CDH12: variants seen among roughly 807,000 people sequenced by gnomAD.
The protein encoded by CDH12 is cadherin 12, also known as cadherin-12.
A neutral mutation model predicts 74.1 loss-of-function variants in CDH12; 41 were observed. The observed-to-expected ratio is 0.55, with a 90% CI of 0.43 to 0.72. The LOEUF is 0.72. CDH12 is among the 30% of genes least tolerant of loss of function. The pLI is 0.00. For synonymous variants in CDH12, 399 were observed against 355.0 expected (o/e 1.12, Z -1.39); for missense variants, 945 against 977.2 (o/e 0.97, Z 0.44).
chr5:21,772,534 A>G (rs1479837209), intron 11 of CDH12, among the ~76,000 whole-genome samples: 2 of 152,166 alleles, frequency 1.3e-5, no homozygotes, highest in African/African-American at 4.8e-5. Flanking sequence ...TTGGCCTTCC[A>G]AAGTGCTGGG....
At chr5:22,009,231 C>T (rs576116675) in intron 5 of CDH12, among the ~76,000 whole-genome samples, 24 of 152,258 alleles carry the variant, frequency 1.6e-4, no homozygotes, top group East Asian at 3.9e-4. Context: ...AATGAATAAG[C>T]GAAACAGAAT....
At chr5:22,148,870 C>T (rs1004048444) in intron 4 of CDH12, among the ~76,000 whole-genome samples, 2 of 152,180 alleles carry the variant, frequency 1.3e-5, no homozygotes, top group African/African-American at 4.8e-5. Flanking sequence ...CCTGTAATCC[C>T]AGCACTTTGG....
intron 1 of CDH12, among the ~76,000 whole-genome samples, chr5:22,683,931 ACT>A (rs1330984157): frequency 6.6e-6 from 1 of 152,134 alleles, no homozygotes; most frequent in Non-Finnish European, 1.5e-5. Flanking sequence ...TAGAATCAAG[ACT>A]CTCTAGTCAC....
chr5:22,237,548 T>C (rs1752600594), intron 3 of CDH12, among the ~76,000 whole-genome samples: 1 of 152,098 alleles, frequency 6.6e-6, no homozygotes, highest in Admixed American at 6.6e-5. Flanking sequence ...GAGAGTGCCA[T>C]CTATGAGAAA....
intron 1 of CDH12, among the ~76,000 whole-genome samples, chr5:22,607,115 G>A (rs1163029831): frequency 2.0e-5 from 3 of 152,130 alleles, no homozygotes; most frequent in Non-Finnish European, 2.9e-5. Flanking sequence ...GCTTTCAAGA[G>A]GAAGAAGAGC....
intron 4 of CDH12, chr5:22,142,301 T>C: frequency 6.9e-6 from 2 of 291,006 alleles, no homozygotes; most frequent in East Asian, 9.6e-5. Context: ...AGAAAGCCTA[T>C]ATGAAGTAGA....
At position 22,662,493 on chromosome 5, in the gene CDH12, T is replaced by C. The variant is rs182391039; in HGVS notation, c.-522-157129A>G. Among the ~76,000 whole-genome samples, 180 of 152,178 alleles carry C rather than the reference T, an allele frequency of 1.2e-3. 1 individual carries two copies. Among genetic ancestry groups the C allele is most frequent in the African/African-American group, 4.2e-3 (173 of 41,552 alleles). Reference sequence around the variant, plus strand: ...AAGATGGACATTAACACATATGCAATGAGTCCCATCAAAAGAAACAGCAAC... The same window carrying C: ...AAGATGGACATTAACACATATGCAACGAGTCCCATCAAAAGAAACAGCAAC... On this transcript the variant is annotated intron_variant, in intron 1 of 14. Transcript: ENST00000382254.
intron 3 of CDH12, among the ~76,000 whole-genome samples, chr5:22,266,336 G>C (rs1736113027): frequency 6.6e-6 from 1 of 151,970 alleles, no homozygotes; most frequent in African/African-American, 2.4e-5. Context: ...GCCTCCCAAA[G>C]TACTGGGATT....
chr5:21,906,236 T>C (rs1753636999), intron 6 of CDH12, among the ~76,000 whole-genome samples: 1 of 152,170 alleles, frequency 6.6e-6, no homozygotes, highest in African/African-American at 2.4e-5. Context: ...AGCAGACAGG[T>C]CAGGGGTTTT....
At chr5:22,326,116 C>G (rs1412163016) in intron 3 of CDH12, among the ~76,000 whole-genome samples, 1 of 152,168 alleles carries the variant, frequency 6.6e-6, no homozygotes, top group African/African-American at 2.4e-5. Context: ...TTAAGAATAG[C>G]TTTTCCCCCG....
At chr5:21,902,044 T>C (rs1050145943) in intron 6 of CDH12, among the ~76,000 whole-genome samples, 5 of 152,168 alleles carry the variant, frequency 3.3e-5, no homozygotes, top group African/African-American at 4.8e-5. Flanking sequence ...AGTGAACAGA[T>C]GAAGATATCA....
At chr5:22,047,913 G>T (rs901084328) in intron 5 of CDH12, among the ~76,000 whole-genome samples, 1 of 152,144 alleles carries the variant, frequency 6.6e-6, no homozygotes, top group Admixed American at 6.6e-5. Context: ...GTGAGGTAAA[G>T]GTTGTTGTAG....
chr5:22,724,470 G>A (rs1368298136), intron 1 of CDH12, among the ~76,000 whole-genome samples: 3 of 151,830 alleles, frequency 2.0e-5, no homozygotes, highest in African/African-American at 7.3e-5. Flanking sequence ...ACTAATAAGT[G>A]AGACCATATG....
rs996272857 is a variant in CDH12, at chr5:22,206,937, G to T, written c.-187+5561C>A. Among the ~76,000 whole-genome samples the T allele has an allele frequency of 6.0e-5, 9 of 150,814 alleles. No homozygotes were observed. The East Asian group carries it at 1.7e-3, about 29-fold the overall frequency. ...ATTTAAAAATATTCTACCACGGTCC[G>T]GCGTATTGGCTCACACCTGTAATCC... On this transcript the variant is annotated intron_variant, in intron 4 of 14. Transcript: ENST00000382254.
chr5:22,512,045 T>C (rs1269127297), intron 1 of CDH12, among the ~76,000 whole-genome samples: 1 of 152,004 alleles, frequency 6.6e-6, no homozygotes, highest in Non-Finnish European at 1.5e-5. Context: ...CTTTATTATA[T>C]CATAGTTACA....
chr5:22,441,572 A>G (rs970249333), intron 2 of CDH12, among the ~76,000 whole-genome samples: 5 of 152,130 alleles, frequency 3.3e-5, no homozygotes, highest in African/African-American at 4.8e-5. Flanking sequence ...TTTGAAAAAC[A>G]TTTCCATTTT....
At position 22,646,791 on chromosome 5, in the gene CDH12, A is replaced by G. The variant is rs1157077559; in HGVS notation, c.-522-141427T>C. The stretch of plus-strand genomic sequence containing the variant: ...TATACCACACTAACATTTAAGAAAC[A>G]CCATTTATTTGCCAACTGCATTGAG... On this transcript the variant is annotated intron_variant, in intron 1 of 14. Transcript: ENST00000382254. Among the ~76,000 whole-genome samples, 8 of 152,030 alleles carry G rather than the reference A, an allele frequency of 5.3e-5. No individual in the cohort carries two copies. In the East Asian group the frequency reaches 1.5e-3, roughly 29 times the overall value.
At chr5:22,585,242 T>G (rs1740323122) in intron 1 of CDH12, among the ~76,000 whole-genome samples, 1 of 152,180 alleles carries the variant, frequency 6.6e-6, no homozygotes, top group Admixed American at 6.5e-5. Context: ...TGTCTTCCAT[T>G]GTTGCTGCTG....
At chr5:22,272,772 T>A (rs1183607190) in intron 3 of CDH12, among the ~76,000 whole-genome samples, 2 of 152,196 alleles carry the variant, frequency 1.3e-5, no homozygotes, top group Non-Finnish European at 2.9e-5. Context: ...GATCTAAATG[T>A]GACACCTTAT....
Sources: gnomAD v4.1 joint callset for allele counts (sites outside exome capture counted in the v4.1 genomes callset) on GRCh38, gnomAD v4.1.1 for gene constraint, MANE v1.5 for transcripts, NCBI Gene and HGNC (gene_info 2026-07-23, HGNC 2026-07-21) for gene names.